Variants in AKR1C2 observed in about 807,000 individuals in gnomAD.
AKR1C2 encodes the protein aldo-keto reductase family 1 member C2.
In AKR1C2, 27 loss-of-function variants were observed where a neutral mutation model predicts 39.8. That is an observed-to-expected ratio of 0.68 (90% CI 0.50 to 0.93). The LOEUF (loss-of-function observed/expected upper bound fraction) is 0.93, where lower values mean the gene tolerates loss of function less well. Ranked by LOEUF, AKR1C2 falls within the 40% of genes least tolerant of loss-of-function variation. The pLI is 0.00. For synonymous variants in AKR1C2, 114 were observed against 137.9 expected (o/e 0.83, Z 1.22); for missense variants, 263 against 365.1 (o/e 0.72, Z 2.28).
chr10:4,996,739 G>A (rs1280323497), intron 5 of AKR1C2, among the ~76,000 whole-genome samples: 2 of 151,822 alleles, frequency 1.3e-5, no homozygotes, highest in Non-Finnish European at 2.9e-5. Flanking sequence ...GAAGGAAGAA[G>A]TTTACCTTTA....
chr10:5,006,646 G>A (rs1262770504), upstream of AKR1C2: 1 of 152,012 alleles, frequency 6.6e-6, no homozygotes, highest in African/African-American at 2.4e-5. Context: ...TGACTCATGG[G>A]GTACAAGGGA....
intron 5 of AKR1C2, 109 bp downstream of exon 5, chr10:4,998,516 G>A (rs1457061551): frequency 1.3e-6 from 2 of 1,541,606 alleles, no homozygotes; most frequent in Non-Finnish European, 1.7e-6. Flanking sequence ...TTGTTCTCTA[G>A]AATCTTCTCT....
At chr10:4,991,440 T>C (rs1190048372) in intron 8 of AKR1C2, among the ~76,000 whole-genome samples, 4 of 152,124 alleles carry the variant, frequency 2.6e-5, no homozygotes, top group African/African-American at 9.7e-5. Flanking sequence ...GGTAAGACAT[T>C]GAGCAGGTTG....
chr10:5,011,454 A>G (rs369928887), intron 1 of AKR1C2, among the ~76,000 whole-genome samples: 1 of 152,278 alleles, frequency 6.6e-6, no homozygotes, highest in African/African-American at 2.4e-5. Flanking sequence ...AAAATAAATA[A>G]AACATAGTAA....
chr10:5,013,825 C>G (rs1477657724), intron 1 of AKR1C2, among the ~76,000 whole-genome samples: 1 of 152,062 alleles, frequency 6.6e-6, no homozygotes, highest in Non-Finnish European at 1.5e-5. Flanking sequence ...TTTAATCATC[C>G]CAACCTAAAA....
rs146269010 is a variant in AKR1C2 at position 4,998,847 on chromosome 10, A to C, written c.448-100T>G. ...AAAGCAACAACTGTCTAGACGTGAC[A>C]ATCAAACTAGCTAGCCGTGGTTCTT... On this transcript the variant is annotated intron_variant, in intron 4 of 8. Transcript: ENST00000380753. 102 of 1,537,560 alleles carry C rather than the reference A, an allele frequency of 6.6e-5. 2 individuals carry two copies. In the African/African-American group the frequency reaches 1.0e-3, roughly 15 times the overall value.
chr10:4,994,232 C>A (rs1836948220), intron 7 of AKR1C2, among the ~76,000 whole-genome samples: 1 of 150,300 alleles, frequency 6.7e-6, no homozygotes, highest in Admixed American at 6.7e-5. Context: ...TCTTTAGAGA[C>A]TTGTATGAAT....
At position 4,995,504 on chromosome 10, in the gene AKR1C2, G is replaced by C. The variant is rs199804594; in HGVS notation, c.681-20C>G. 0.15 allele frequency: 189,585 copies of C among 1,273,020 alleles called. 3,069 individuals carry two copies. Among genetic ancestry groups the C allele is most frequent in the Non-Finnish European group, 0.18 (162,026 of 915,346 alleles). The allele number at this position is 1,273,020 out of a possible 1,614,324, so 78.9% of individuals were successfully genotyped here. On this transcript the variant is annotated intron_variant, in intron 6 of 8. Transcript: ENST00000380753. ...TCCACCCTGGAAGGAAAGGCAGAAA[G>C]GCTGAGGCCCTGAGGCTGGCGATAG...
rs191167093 is a variant in AKR1C2, at chr10:5,011,339, T to G, written c.-88+6561A>C. Among the ~76,000 whole-genome samples the G allele has an allele frequency of 1.1e-3, 166 of 152,288 alleles. 1 individual carries two copies. Among genetic ancestry groups the G allele is most frequent in the Non-Finnish European group, 8.4e-4 (57 of 68,020 alleles). On this transcript the variant is annotated intron_variant, in intron 1 of 6. Transcript: ENST00000604507. ...AATTATTGGGTAAATACAATGGACA[T>G]TATTCTGGTGATAGCTACACTAAAA... is the stretch of plus-strand genomic sequence containing the variant.
chr10:5,009,364 T>C (rs1470328083), intron 1 of AKR1C2, among the ~76,000 whole-genome samples: 4 of 152,092 alleles, frequency 2.6e-5, no homozygotes, highest in African/African-American at 9.7e-5. Flanking sequence ...TATTGCTCAA[T>C]ACTATTGTTC....
intron 1 of AKR1C2, among the ~76,000 whole-genome samples, chr10:5,003,122 A>C (rs1454937171): frequency 6.6e-6 from 1 of 151,910 alleles, no homozygotes; most frequent in Non-Finnish European, 1.5e-5. Context: ...GAAACAAGAA[A>C]TTTTTCTGTT....
In AKR1C2 at chr10:4,989,892, G is replaced by T; in HGVS notation, c.*104C>A. 1 of 1,451,254 alleles carries T rather than the reference G, an allele frequency of 6.9e-7. No homozygotes were observed. Among genetic ancestry groups the T allele is most frequent in the Non-Finnish European group, 9.5e-7 (1 of 1,057,582 alleles). 89.9% of individuals were successfully genotyped at this position (1,451,254 alleles called of 1,614,324 possible). On this transcript the variant is annotated 3_prime_UTR_variant, in exon 9 of 9. Transcript: ENST00000380753. Reference sequence around the variant, plus strand: ...CTTACTGAAGTCGCCAAGCAGGAGAGATTTAACCAGAGGCGATGTGTCCAG... The same window carrying T: ...CTTACTGAAGTCGCCAAGCAGGAGATATTTAACCAGAGGCGATGTGTCCAG...
upstream of AKR1C2, among the ~76,000 whole-genome samples, chr10:5,007,081 C>T (rs1554774495): frequency 6.8e-6 from 1 of 147,696 alleles, no homozygotes; most frequent in Admixed American, 6.9e-5. Context: ...CAAATTATTT[C>T]TTAAAAATTA....
intron 1 of AKR1C2, among the ~76,000 whole-genome samples, chr10:5,002,491 A>C (rs1213272676): frequency 2.6e-5 from 4 of 152,202 alleles, no homozygotes; most frequent in African/African-American, 9.7e-5. Flanking sequence ...GTATACTCTA[A>C]GGATATTGAT....
At chr10:4,992,915 AC>A (rs1429314957) in intron 7 of AKR1C2, among the ~76,000 whole-genome samples, 26 of 152,208 alleles carry the variant, frequency 1.7e-4, no homozygotes, top group African/African-American at 6.3e-4. Context: ...GTGCCACTGC[AC>A]TCCACCCTGG....
At chr10:5,004,874 G>T (rs1376547901), upstream of AKR1C2, 1 of 140,460 alleles carries the variant, frequency 7.1e-6, no homozygotes, top group Non-Finnish European at 1.5e-5. Context: ...TTGAAAAATA[G>T]GTAAATTGTT....
chr10:5,002,855 C>A (rs1386739544), intron 1 of AKR1C2, among the ~76,000 whole-genome samples: 1 of 152,186 alleles, frequency 6.6e-6, no homozygotes, highest in Non-Finnish European at 1.5e-5. Context: ...GTATCCTCAT[C>A]TTTACTTCCT....
upstream of AKR1C2, among the ~76,000 whole-genome samples, chr10:5,008,147 G>A (rs1837442378): frequency 1.3e-5 from 2 of 151,600 alleles, no homozygotes; most frequent in Admixed American, 6.6e-5. Flanking sequence ...GAATTTTGAG[G>A]GGTAAGGCCT....
chr10:4,990,857 C>T (rs1321409654), intron 8 of AKR1C2, among the ~76,000 whole-genome samples: 1 of 151,312 alleles, frequency 6.6e-6, no homozygotes, highest in Non-Finnish European at 1.5e-5. Flanking sequence ...TGCCACTTTT[C>T]CTTTTCTTAT....
Sources: allele counts gnomAD v4.1 joint callset (sites outside exome capture counted in the v4.1 genomes callset), GRCh38; gene constraint gnomAD v4.1.1; transcripts MANE v1.5; gene names NCBI Gene and HGNC (gene_info 2026-07-23, HGNC 2026-07-21).